SPAG16: variants seen among roughly 807,000 people sequenced by gnomAD.
SPAG16 encodes sperm associated antigen 16.
SPAG16 carries 86 observed loss-of-function variants against 80.4 expected under a neutral mutation model. The ratio of observed to expected loss-of-function variants is 1.07; its 90% CI spans 0.90 to 1.28. SPAG16 has a LOEUF of 1.28. Among genes scored for constraint, SPAG16 ranks in the 50% most tolerant of loss-of-function variants. The pLI, the probability that SPAG16 is intolerant of heterozygous loss-of-function variation, is 0.00. For synonymous variants in SPAG16, 294 were observed against 265.9 expected (o/e 1.11, Z -1.03); for missense variants, 870 against 765.3 (o/e 1.14, Z -1.61).
At chr2:213,866,827 A>G (rs1329403210) in intron 11 of SPAG16, among the ~76,000 whole-genome samples, 3 of 152,188 alleles carry the variant, frequency 2.0e-5, no homozygotes, top group Non-Finnish European at 2.9e-5. Flanking sequence ...TGTTGACTAC[A>G]TATTTTATTT....
chr2:214,185,221 T>A (rs1212950672), intron 15 of SPAG16, among the ~76,000 whole-genome samples: 1 of 152,068 alleles, frequency 6.6e-6, no homozygotes, highest in African/African-American at 2.4e-5. Context: ...GAAAATAACC[T>A]TTCTGAGCTT....
chr2:214,337,892 T>C (rs1351177018), intron 15 of SPAG16, among the ~76,000 whole-genome samples: 1 of 152,198 alleles, frequency 6.6e-6, no homozygotes, highest in African/African-American at 2.4e-5. Context: ...GACTAAAGAA[T>C]TACTCTTAAG....
At chr2:213,379,887 CAG>C (rs1248552822) in intron 9 of SPAG16, among the ~76,000 whole-genome samples, 1 of 152,160 alleles carries the variant, frequency 6.6e-6, no homozygotes. Flanking sequence ...TTGGTGATGA[CAG>C]GGGTGGCTGG....
At chr2:213,838,174 T>C (rs562071770) in intron 10 of SPAG16, among the ~76,000 whole-genome samples, 1 of 152,130 alleles carries the variant, frequency 6.6e-6, no homozygotes, top group South Asian at 2.1e-4. Flanking sequence ...TCCTTATCTC[T>C]GATTTCTTTT....
At chr2:213,288,283 T>C (rs371821493) in intron 1 of SPAG16, among the ~76,000 whole-genome samples, 3 of 152,326 alleles carry the variant, frequency 2.0e-5, no homozygotes, top group East Asian at 1.9e-4. Context: ...CTGATAACTT[T>C]AATTAAAATT....
chr2:214,034,703 C>G (rs913011371), intron 13 of SPAG16, among the ~76,000 whole-genome samples: 2 of 152,190 alleles, frequency 1.3e-5, no homozygotes, highest in Non-Finnish European at 2.9e-5. Context: ...CAGCTGGCAC[C>G]AGGGAATGCT....
intron 13 of SPAG16, among the ~76,000 whole-genome samples, chr2:214,038,339 T>TA (rs2048818632): frequency 6.6e-6 from 1 of 152,132 alleles, no homozygotes; most frequent in Non-Finnish European, 1.5e-5. Flanking sequence ...CACAGCAACT[T>TA]CCCTATTTTC....
intron 15 of SPAG16, among the ~76,000 whole-genome samples, chr2:214,256,244 CT>C (rs1396117221): frequency 6.6e-6 from 1 of 151,740 alleles, no homozygotes; most frequent in African/African-American, 2.4e-5. Context: ...ATTCATACAC[CT>C]TTTTTAATGA....
chr2:213,300,228 C>T (rs1039956811), intron 3 of SPAG16, among the ~76,000 whole-genome samples: 15 of 152,286 alleles, frequency 9.8e-5, no homozygotes, highest in African/African-American at 3.4e-4. Flanking sequence ...TTTTCCTCCT[C>T]CTGCTACCCC....
At chr2:213,369,041 A>G (rs2066487317) in intron 8 of SPAG16, among the ~76,000 whole-genome samples, 1 of 152,218 alleles carries the variant, frequency 6.6e-6, no homozygotes. Flanking sequence ...CTCATAGGAA[A>G]TACTGGAGGC....
chr2:213,815,187 G>C (rs531590332), intron 10 of SPAG16, among the ~76,000 whole-genome samples: 1 of 152,218 alleles, frequency 6.6e-6, no homozygotes, highest in South Asian at 2.1e-4. Context: ...GAATATGTTT[G>C]CATCCTGAGA....
At chr2:213,912,805 G>T (rs771938047) in intron 11 of SPAG16, among the ~76,000 whole-genome samples, 9 of 152,050 alleles carry the variant, frequency 5.9e-5, no homozygotes, top group Non-Finnish European at 8.8e-5. Context: ...AAGCTAAGTG[G>T]CCCAGCTGAC....
intron 15 of SPAG16, among the ~76,000 whole-genome samples, chr2:214,346,676 C>G (rs1198724844): frequency 1.3e-5 from 2 of 152,148 alleles, no homozygotes; most frequent in East Asian, 3.8e-4. Context: ...GCTTTTGAAG[C>G]CCTGAACCAC....
intron 10 of SPAG16, among the ~76,000 whole-genome samples, chr2:213,798,717 T>G (rs533089691): frequency 6.6e-6 from 1 of 152,218 alleles, no homozygotes; most frequent in Non-Finnish European, 1.5e-5. Context: ...TTACCTCTTA[T>G]GTTTAGGTCC....
chr2:213,750,330 G>A (rs539204000), intron 10 of SPAG16, among the ~76,000 whole-genome samples: 1 of 151,830 alleles, frequency 6.6e-6, no homozygotes, highest in East Asian at 1.9e-4. Context: ...AGTGTAAAAT[G>A]ACAAGAGTTA....
At chr2:213,816,725 C>T (rs941594117) in intron 10 of SPAG16, among the ~76,000 whole-genome samples, 2 of 151,954 alleles carry the variant, frequency 1.3e-5, no homozygotes, top group Non-Finnish European at 2.9e-5. Context: ...TTCTAGGCCT[C>T]CAGTGACACA....
chr2:213,862,202 A>C (rs72941159), intron 10 of SPAG16, among the ~76,000 whole-genome samples: 52,011 of 151,904 alleles, frequency 0.34, 9,347 homozygotes, highest in South Asian at 0.47. Flanking sequence ...TACTCTTTTC[A>C]AACCAGAATT....
chr2:213,703,937 AATT>A (rs2065622523), intron 10 of SPAG16, among the ~76,000 whole-genome samples: 1 of 152,160 alleles, frequency 6.6e-6, no homozygotes, highest in Non-Finnish European at 1.5e-5. Flanking sequence ...TGTACTCCTA[AATT>A]CAGCTCAGCG....
intron 10 of SPAG16, among the ~76,000 whole-genome samples, chr2:213,715,071 C>T (rs1415832520): frequency 6.6e-6 from 1 of 152,076 alleles, no homozygotes; most frequent in Non-Finnish European, 1.5e-5. Flanking sequence ...TCAGTGTGAT[C>T]ACTGTGACTT....
Sources: gnomAD v4.1 joint callset for allele counts (sites outside exome capture counted in the v4.1 genomes callset) on GRCh38, gnomAD v4.1.1 for gene constraint, MANE v1.5 for transcripts, NCBI Gene and HGNC (gene_info 2026-07-23, HGNC 2026-07-21) for gene names.